Variants in ADAMTSL1 observed in about 807,000 individuals in gnomAD.
ADAMTSL1 encodes the protein ADAMTS-like protein 1.
ADAMTSL1 carries 126 observed loss-of-function variants against 201.8 expected under a neutral mutation model. The observed-to-expected ratio is 0.62, with a 90% CI of 0.54 to 0.72. The LOEUF (loss-of-function observed/expected upper bound fraction) is 0.72. ADAMTSL1 is among the 30% of genes least tolerant of loss of function. ADAMTSL1 has a pLI of 0.00. For synonymous variants in ADAMTSL1, 1,121 were observed against 903.4 expected (o/e 1.24, Z -4.32); for missense variants, 2,679 against 2,277.8 (o/e 1.18, Z -3.59).
At chr9:18,569,410 T>A (rs1822153057) in intron 3 of ADAMTSL1, among the ~76,000 whole-genome samples, 1 of 152,198 alleles carries the variant, frequency 6.6e-6, no homozygotes, top group Non-Finnish European at 1.5e-5. Flanking sequence ...CGTGGGATCA[T>A]GTTATTATTT....
At chr9:18,010,165 A>G (rs1186023569) in intron 1 of ADAMTSL1, among the ~76,000 whole-genome samples, 1 of 152,028 alleles carries the variant, frequency 6.6e-6, no homozygotes, top group Non-Finnish European at 1.5e-5. Context: ...AGTTTTTCAG[A>G]CGAAACTGAA....
At chr9:18,843,028 A>G (rs891373378) in intron 23 of ADAMTSL1, among the ~76,000 whole-genome samples, 1 of 152,074 alleles carries the variant, frequency 6.6e-6, no homozygotes, top group Non-Finnish European at 1.5e-5. Context: ...CATTTAGTCC[A>G]TTGACATTTA....
At chr9:18,656,392 G>T (rs1828660430) in intron 7 of ADAMTSL1, among the ~76,000 whole-genome samples, 2 of 152,012 alleles carry the variant, frequency 1.3e-5, no homozygotes, top group Non-Finnish European at 2.9e-5. Context: ...AGCACTTTGG[G>T]AGGCCGAGGC....
At chr9:18,421,592 C>T (rs75079900) in intron 2 of ADAMTSL1, among the ~76,000 whole-genome samples, 1 of 152,228 alleles carries the variant, frequency 6.6e-6, no homozygotes, top group Non-Finnish European at 1.5e-5. Flanking sequence ...CTCTCAAACC[C>T]TCTCCTGCTC....
intron 23 of ADAMTSL1, among the ~76,000 whole-genome samples, chr9:18,844,062 G>T (rs1455523831): frequency 6.6e-6 from 1 of 152,208 alleles, no homozygotes; most frequent in East Asian, 1.9e-4. Flanking sequence ...GTCCAGCTTT[G>T]TTCCATTGCT....
chr9:18,437,480 T>G (rs1449974309), intron 2 of ADAMTSL1, among the ~76,000 whole-genome samples: 1 of 152,112 alleles, frequency 6.6e-6, no homozygotes, highest in Non-Finnish European at 1.5e-5. Flanking sequence ...CTTAACTGCC[T>G]TCTCACTGCT....
chr9:18,527,414 G>T (rs1198653315), intron 2 of ADAMTSL1, among the ~76,000 whole-genome samples: 1 of 152,114 alleles, frequency 6.6e-6, no homozygotes, highest in African/African-American at 2.4e-5. Flanking sequence ...GTCACCAGAA[G>T]GATCTATTGC....
At chr9:18,249,015 G>A (rs1831366123) in intron 2 of ADAMTSL1, among the ~76,000 whole-genome samples, 1 of 152,086 alleles carries the variant, frequency 6.6e-6, no homozygotes, top group African/African-American at 2.4e-5. Context: ...TTTGCATATG[G>A]ATTGAGCGAC....
At chr9:18,324,432 G>A (rs568999930) in intron 2 of ADAMTSL1, among the ~76,000 whole-genome samples, 43 of 149,782 alleles carry the variant, frequency 2.9e-4, no homozygotes, top group African/African-American at 1.1e-3. Flanking sequence ...TTTTTTACAG[G>A]GAGCACAAAC....
intron 21 of ADAMTSL1, among the ~76,000 whole-genome samples, chr9:18,825,149 A>G (rs1026759835): frequency 2.0e-5 from 3 of 152,102 alleles, no homozygotes; most frequent in African/African-American, 4.8e-5. Context: ...CAGTCTCTCA[A>G]CATACTCAGA....
At chr9:17,911,181 A>C (rs7861485) in intron 1 of ADAMTSL1, among the ~76,000 whole-genome samples, 67,703 of 67,856 alleles carry the variant, frequency 1, 33,817 homozygotes, top group Middle Eastern at 1. Context: ...ACTGAATTAC[A>C]CTTCTTAAAG....
chr9:17,908,115 G>A (rs1188271825), intron 1 of ADAMTSL1, among the ~76,000 whole-genome samples: 11 of 152,110 alleles, frequency 7.2e-5, no homozygotes, highest in Admixed American at 3.3e-4. Context: ...AGAAGGGCCC[G>A]GAGCAGCAGG....
chr9:18,418,552 G>T (rs570982130), intron 2 of ADAMTSL1, among the ~76,000 whole-genome samples: 1 of 152,038 alleles, frequency 6.6e-6, no homozygotes, highest in East Asian at 1.9e-4. Flanking sequence ...AAAATTAACA[G>T]TATTTCAATT....
intron 7 of ADAMTSL1, among the ~76,000 whole-genome samples, chr9:18,647,272 C>G (rs1167801833): frequency 6.6e-6 from 1 of 151,920 alleles, no homozygotes; most frequent in Non-Finnish European, 1.5e-5. Context: ...TTTGATTCTT[C>G]TCTCTTTTTT....
intron 2 of ADAMTSL1, among the ~76,000 whole-genome samples, chr9:18,382,226 G>C (rs1837589820): frequency 1.3e-5 from 2 of 152,082 alleles, no homozygotes; most frequent in African/African-American, 4.8e-5. Context: ...AATACAAAAG[G>C]GTGGCTCAAG....
chr9:17,966,861 A>C (rs759910664), intron 1 of ADAMTSL1, among the ~76,000 whole-genome samples: 7 of 152,132 alleles, frequency 4.6e-5, no homozygotes, highest in Non-Finnish European at 7.4e-5. Context: ...AGAAAAAAAG[A>C]AAAAGGGTGT....
chr9:18,771,901 A>G (rs565390185), intron 17 of ADAMTSL1, among the ~76,000 whole-genome samples: 129 of 152,194 alleles, frequency 8.5e-4, no homozygotes, highest in African/African-American at 3.0e-3. Flanking sequence ...ATTCCATGAG[A>G]TGGTGCCTGC....
At chr9:18,425,994 C>T (rs1206383369) in intron 2 of ADAMTSL1, among the ~76,000 whole-genome samples, 1 of 151,962 alleles carries the variant, frequency 6.6e-6, no homozygotes, top group Non-Finnish European at 1.5e-5. Flanking sequence ...AGAAAAGTGC[C>T]AACCCGTTTA....
At chr9:18,518,375 C>G (rs1324330318) in intron 2 of ADAMTSL1, among the ~76,000 whole-genome samples, 2 of 152,028 alleles carry the variant, frequency 1.3e-5, no homozygotes, top group Non-Finnish European at 2.9e-5. Context: ...TTGTTTAGCT[C>G]CTGCTTATAG....
Sources: gnomAD v4.1 joint callset for allele counts (sites outside exome capture counted in the v4.1 genomes callset) on GRCh38, gnomAD v4.1.1 for gene constraint, MANE v1.5 for transcripts, NCBI Gene and HGNC (gene_info 2026-07-23, HGNC 2026-07-21) for gene names.